Variants in PCCA observed in about 807,000 individuals in gnomAD.
PCCA encodes propionyl-CoA carboxylase alpha chain, mitochondrial.
PCCA carries 74 observed loss-of-function variants against 101.3 expected under a neutral mutation model. The observed-to-expected ratio is 0.73, with a 90% CI of 0.61 to 0.89. The LOEUF is 0.89. PCCA is among the 40% of genes least tolerant of loss of function. PCCA has a pLI of 0.00. For missense variants in PCCA, 891 were observed against 907.0 expected, an observed-to-expected ratio of 0.98 and a Z score of 0.23; for synonymous variants, 294 against 313.6, an observed-to-expected ratio of 0.94 and a Z score of 0.66.
At chr13:100,117,651 A>C (rs917699041) in intron 4 of PCCA, among the ~76,000 whole-genome samples, 3 of 151,930 alleles carry the variant, frequency 2.0e-5, no homozygotes, top group Non-Finnish European at 4.4e-5. Flanking sequence ...GAGGGATAGC[A>C]TTAGGGGAAA....
intron 6 of PCCA, among the ~76,000 whole-genome samples, chr13:100,165,758 G>A (rs1566618394): frequency 6.6e-6 from 1 of 152,168 alleles, no homozygotes; most frequent in African/African-American, 2.4e-5. Flanking sequence ...CAGGCCAGGT[G>A]TGGTATCTTA....
At chr13:100,213,387 C>T (rs1453529554) in intron 7 of PCCA, among the ~76,000 whole-genome samples, 1 of 152,150 alleles carries the variant, frequency 6.6e-6, no homozygotes, top group Non-Finnish European at 1.5e-5. Context: ...TCTCTATATC[C>T]TCGCCAGCAT....
At chr13:100,240,259 G>T (rs1339957204) in intron 8 of PCCA, among the ~76,000 whole-genome samples, 1 of 151,830 alleles carries the variant, frequency 6.6e-6, no homozygotes, top group Non-Finnish European at 1.5e-5. Context: ...TATGTAATTT[G>T]ACACCTGCTT....
chr13:100,456,794 A>G (rs1216497247), intron 21 of PCCA, among the ~76,000 whole-genome samples: 2 of 152,206 alleles, frequency 1.3e-5, no homozygotes, highest in Admixed American at 6.5e-5. Flanking sequence ...CGGGAGGAAC[A>G]TGAAAGTGGA....
chr13:100,227,029 A>C (rs2060184163), intron 7 of PCCA, among the ~76,000 whole-genome samples: 1 of 152,192 alleles, frequency 6.6e-6, no homozygotes, highest in Admixed American at 6.5e-5. Flanking sequence ...TTTGAGACGA[A>C]GTCTTGCTCT....
intron 14 of PCCA, 49 bp from the exon 15 acceptor site, chr13:100,307,143 A>T: frequency 7.4e-7 from 1 of 1,355,552 alleles, no homozygotes. Context: ...TTACAAAAAA[A>T]TATCTACACA....
chr13:100,399,723 T>C (rs868465675), intron 19 of PCCA, among the ~76,000 whole-genome samples: 11 of 152,244 alleles, frequency 7.2e-5, no homozygotes, highest in African/African-American at 2.7e-4. Context: ...TGAATTACTT[T>C]TGTGACCCAG....
chr13:100,149,996 T>C (rs2053092038), intron 4 of PCCA, among the ~76,000 whole-genome samples: 1 of 152,212 alleles, frequency 6.6e-6, no homozygotes. Context: ...TGAAATTTTC[T>C]ATTAATCCAG....
intron 4 of PCCA, among the ~76,000 whole-genome samples, chr13:100,138,499 A>G (rs1024506924): frequency 6.6e-6 from 1 of 152,210 alleles, no homozygotes; most frequent in Non-Finnish European, 1.5e-5. Flanking sequence ...TTCAAAAGCA[A>G]TGTTATCATT....
intron 4 of PCCA, among the ~76,000 whole-genome samples, chr13:100,145,003 C>T (rs551883362): frequency 6.6e-6 from 1 of 152,286 alleles, no homozygotes; most frequent in East Asian, 1.9e-4. Context: ...CTTCCACACT[C>T]AGTGTCCATG....
intron 19 of PCCA, among the ~76,000 whole-genome samples, chr13:100,403,631 C>T (rs1028376962): frequency 2.0e-5 from 3 of 152,064 alleles, no homozygotes; most frequent in Admixed American, 6.5e-5. Context: ...CTTGGTTTAG[C>T]TAAGGATGGG....
chr13:100,227,137 A>G (rs1188330048), intron 7 of PCCA, among the ~76,000 whole-genome samples: 1 of 151,880 alleles, frequency 6.6e-6, no homozygotes, highest in East Asian at 1.9e-4. Context: ...ACGCCCGGCT[A>G]ATTTTTTTGT....
intron 19 of PCCA, among the ~76,000 whole-genome samples, chr13:100,387,688 T>C (rs1359426602): frequency 6.6e-6 from 1 of 152,224 alleles, no homozygotes; most frequent in Non-Finnish European, 1.5e-5. Flanking sequence ...TTGATCTGTT[T>C]ACTTTTTAAA....
At chr13:100,302,819 T>C in intron 13 of PCCA, 105 bp from the exon 14 acceptor site, 1 of 764,754 alleles carries the variant, frequency 1.3e-6, no homozygotes, top group Non-Finnish European at 2.4e-6. Context: ...AAATACCATA[T>C]GTTGAAAATA....
chr13:100,379,430 T>C (rs571178798), intron 19 of PCCA, among the ~76,000 whole-genome samples: 1 of 152,316 alleles, frequency 6.6e-6, no homozygotes, highest in South Asian at 2.1e-4. Flanking sequence ...ATAAAACTTG[T>C]ATTGTGAAAC....
At chr13:100,452,367 C>G (rs2081392923) in intron 21 of PCCA, among the ~76,000 whole-genome samples, 1 of 152,062 alleles carries the variant, frequency 6.6e-6, no homozygotes, top group Non-Finnish European at 1.5e-5. Context: ...CATGCTACTC[C>G]CTAGTCCATC....
intron 21 of PCCA, among the ~76,000 whole-genome samples, chr13:100,476,390 G>T (rs1012137816): frequency 6.6e-5 from 10 of 152,148 alleles, no homozygotes; most frequent in African/African-American, 2.4e-4. Flanking sequence ...TATTAATCCT[G>T]TTCTGGAGAC....
intron 21 of PCCA, among the ~76,000 whole-genome samples, chr13:100,503,361 G>A (rs60967758): frequency 0.033 from 4,937 of 151,652 alleles, 289 homozygotes; most frequent in African/African-American, 0.11. Flanking sequence ...GTGGTGGCGC[G>A]TGCCTGTAAT....
At chr13:100,150,734 AC>A (rs2053210432) in intron 4 of PCCA, 2 of 1,585,828 alleles carry the variant, frequency 1.3e-6, no homozygotes, top group Non-Finnish European at 1.7e-6. Flanking sequence ...ATCTTCACCA[AC>A]CCAGTAAGAA....
Sources: allele counts gnomAD v4.1 joint callset (sites outside exome capture counted in the v4.1 genomes callset), GRCh38; gene constraint gnomAD v4.1.1; transcripts MANE v1.5; gene names NCBI Gene and HGNC (gene_info 2026-07-23, HGNC 2026-07-21).